Variants in ITGB5 observed in about 807,000 individuals in gnomAD.
ITGB5 encodes the protein integrin beta-5.
Under a neutral mutation model 84.8 loss-of-function variants are expected in ITGB5, and 38 were observed. That is an observed-to-expected ratio of 0.45 (90% CI 0.35 to 0.59). The LOEUF is 0.59. Ranked by LOEUF, ITGB5 falls within the 20% of genes least tolerant of loss-of-function variation. The probability of loss-of-function intolerance (pLI) is 0.01; values close to 1 mark genes in which losing one functional copy is unlikely to be tolerated. For synonymous variants in ITGB5, 393 were observed against 414.4 expected (o/e 0.95, Z 0.63); for missense variants, 905 against 1,034.5 (o/e 0.87, Z 1.72).
chr3:124,803,405 A>G (rs1357228724), intron 9 of ITGB5, among the ~76,000 whole-genome samples: 2 of 152,214 alleles, frequency 1.3e-5, no homozygotes, highest in Non-Finnish European at 1.5e-5. Flanking sequence ...GCGAAGGAAC[A>G]GCTCCCTTAT....
chr3:124,833,477 A>C (rs1195328117), intron 5 of ITGB5, among the ~76,000 whole-genome samples: 1 of 152,230 alleles, frequency 6.6e-6, no homozygotes, highest in Non-Finnish European at 1.5e-5. Flanking sequence ...GAGACTTCTC[A>C]TCTATCTTTA....
At chr3:124,878,120 G>A (rs1265837952) in intron 1 of ITGB5, among the ~76,000 whole-genome samples, 2 of 152,176 alleles carry the variant, frequency 1.3e-5, no homozygotes, top group African/African-American at 4.8e-5. Flanking sequence ...AAAGTGCTGG[G>A]ATTATAGACG....
chr3:124,865,547 C>G (rs913701380), intron 2 of ITGB5, among the ~76,000 whole-genome samples: 1 of 126,048 alleles, frequency 7.9e-6, no homozygotes, highest in Non-Finnish European at 1.6e-5. Flanking sequence ...AGTGCAGTGA[C>G]GTGATCACCA....
In ITGB5 at chr3:124,887,002, G is replaced by C; in HGVS notation, c.-2C>G. On this transcript the variant is annotated 5_prime_UTR_variant, in exon 1 of 15. Coordinates refer to ENST00000296181, the MANE Select transcript of ITGB5 (RefSeq NM_002213.5). ...CAGCGGCGCCGGGGCCCGCGGCATG[G>C]TGGGGCGCCTCCCTCAGCGGCGGCG... 2 of 1,182,640 alleles carry C rather than the reference G, an allele frequency of 1.7e-6. No individual in the cohort carries two copies. Among genetic ancestry groups the C allele is most frequent in the Non-Finnish European group, 2.1e-6 (2 of 956,704 alleles). 73.3% of individuals were successfully genotyped at this position (1,182,640 alleles called of 1,614,324 possible).
At chr3:124,808,550 G>A (rs2064446452) in intron 9 of ITGB5, among the ~76,000 whole-genome samples, 1 of 152,236 alleles carries the variant, frequency 6.6e-6, no homozygotes, top group Non-Finnish European at 1.5e-5. Context: ...GTCCTCCACT[G>A]CTGTAGAGTC....
intron 5 of ITGB5, among the ~76,000 whole-genome samples, chr3:124,825,315 CT>C (rs2064770395): frequency 1.3e-5 from 2 of 152,222 alleles, no homozygotes; most frequent in Non-Finnish European, 2.9e-5. Context: ...TACATATACA[CT>C]TACTATCAAT....
intron 5 of ITGB5, among the ~76,000 whole-genome samples, chr3:124,829,315 T>C (rs73199521): frequency 3.3e-5 from 5 of 152,384 alleles, no homozygotes; most frequent in Non-Finnish European, 5.9e-5. Flanking sequence ...CCAATTTCGC[T>C]AAACATGACA....
chr3:124,871,022 T>G (rs1478703154), intron 2 of ITGB5, among the ~76,000 whole-genome samples: 1 of 151,932 alleles, frequency 6.6e-6, no homozygotes, highest in Admixed American at 6.6e-5. Context: ...CCCAAGTAGC[T>G]GGGACTACAG....
intron 12 of ITGB5, 39 bp downstream of exon 12, chr3:124,768,974 G>A: frequency 6.5e-7 from 1 of 1,542,014 alleles, no homozygotes. Flanking sequence ...CCAGGAAGGA[G>A]AAAAACCGTG....
At chr3:124,845,058 C>T (rs923760083) in intron 4 of ITGB5, among the ~76,000 whole-genome samples, 1 of 152,246 alleles carries the variant, frequency 6.6e-6, no homozygotes, top group African/African-American at 2.4e-5. Flanking sequence ...TTCATGAAGG[C>T]ATGTCAGCAG....
At chr3:124,883,095 G>A (rs890444856) in intron 1 of ITGB5, among the ~76,000 whole-genome samples, 8 of 152,188 alleles carry the variant, frequency 5.3e-5, no homozygotes, top group African/African-American at 1.9e-4. Flanking sequence ...CCTGTGAAAA[G>A]AGACCCTATC....
At chr3:124,816,385 G>C (rs1210931173) in intron 8 of ITGB5, among the ~76,000 whole-genome samples, 1 of 152,230 alleles carries the variant, frequency 6.6e-6, no homozygotes, top group Admixed American at 6.5e-5. Flanking sequence ...ACAGATGTGT[G>C]ATGCCGTACT....
intron 9 of ITGB5, 69 bp downstream of exon 9, chr3:124,808,953 A>G: frequency 6.5e-7 from 1 of 1,535,554 alleles, no homozygotes; most frequent in Non-Finnish European, 8.9e-7. Context: ...AAGTCACAAA[A>G]GTTATTAGAA....
intron 8 of ITGB5, 45 bp from the exon 9 acceptor site, chr3:124,809,201 G>A: frequency 6.2e-7 from 1 of 1,606,278 alleles, no homozygotes; most frequent in Non-Finnish European, 8.5e-7. Flanking sequence ...AATAAAGGCT[G>A]TGGCTGAGGT....
intron 10 of ITGB5, among the ~76,000 whole-genome samples, chr3:124,784,228 G>C (rs2064047772): frequency 6.6e-6 from 1 of 152,182 alleles, no homozygotes; most frequent in South Asian, 2.1e-4. Flanking sequence ...CAATGCTGAT[G>C]CCAGCTGGGT....
intron 1 of ITGB5, among the ~76,000 whole-genome samples, chr3:124,899,645 A>G (rs568624735): frequency 1.3e-5 from 2 of 152,210 alleles, no homozygotes; most frequent in Admixed American, 6.5e-5. Context: ...ACTTGAGCCC[A>G]GGGATCATAG....
At chr3:124,876,587 T>C (rs1441589577) in intron 1 of ITGB5, among the ~76,000 whole-genome samples, 1 of 152,034 alleles carries the variant, frequency 6.6e-6, no homozygotes, top group Non-Finnish European at 1.5e-5. Context: ...ATAAGGATAG[T>C]AGCTGGGACC....
At position 124,817,621 on chromosome 3, in the gene ITGB5, A is replaced by G. The variant is rs757555259; in HGVS notation, c.1128T>C (p.Asn376=). 4 of 1,487,798 alleles carry G rather than the reference A, an allele frequency of 2.7e-6. No individual in the cohort carries two copies. The highest frequency in any genetic ancestry group is 2.4e-5 in the South Asian group (2 of 83,836). The allele number at this position is 1,487,798 out of a possible 1,614,324, so 92.2% of individuals were successfully genotyped here. Residue 376 remains asparagine (N), a splice_region_variant and synonymous_variant, in exon 8 of 15, where the codon AAT becomes AAC. Coordinates refer to ENST00000296181, the MANE Select transcript of ITGB5 (RefSeq NM_002213.5). The part of the protein sequence containing the change: ...NIIQLIINAY[N]SIRSKVELSV... ...GTGGGGGAAGAAACTGATGACTTAC[A>G]TTGTATGCATTAATAATCAGTTGAA...
At chr3:124,856,463 A>G (rs2065223946) in intron 3 of ITGB5, among the ~76,000 whole-genome samples, 1 of 152,164 alleles carries the variant, frequency 6.6e-6, no homozygotes, top group African/African-American at 2.4e-5. Context: ...TGTAAATTAA[A>G]ACCTTCCTCC....
Sources: allele counts gnomAD v4.1 joint callset (sites outside exome capture counted in the v4.1 genomes callset), GRCh38; gene constraint gnomAD v4.1.1; transcripts MANE v1.5; gene names NCBI Gene and HGNC (gene_info 2026-07-23, HGNC 2026-07-21).